The following CDH4 variants were observed in gnomAD, a reference collection of about 807,000 sequenced individuals.
CDH4 encodes cadherin 4.
In CDH4, 33 loss-of-function variants were observed where a neutral mutation model predicts 86.0. That is an observed-to-expected ratio of 0.38 (90% CI 0.29 to 0.51). The LOEUF is 0.51. Among genes scored for constraint, CDH4 ranks in the 20% least tolerant of loss-of-function variants. The pLI is 0.86. For missense variants in CDH4, 1,114 were observed against 1,307.4 expected (o/e 0.85, Z 2.28); for synonymous variants, 555 against 549.4 (o/e 1.01, Z -0.14).
chr20:61,674,990 G>C lies in CDH4; in HGVS notation c.170-68573G>C, dbSNP rs117666365. On this transcript the variant is annotated intron_variant, in intron 2 of 15. Coordinates refer to ENST00000614565, the MANE Select transcript of CDH4 (RefSeq NM_001794.5). Reference sequence around the variant, plus strand: ...TGAGCAATTAGAAAGAGACATTGTGGCCCACCCACCCACAATATGTACTGC... The same window carrying C: ...TGAGCAATTAGAAAGAGACATTGTGCCCCACCCACCCACAATATGTACTGC... Among the ~76,000 whole-genome samples, 594 of 152,318 alleles carry C rather than the reference G, an allele frequency of 3.9e-3. 6 individuals are homozygous for C. Among genetic ancestry groups the C allele is most frequent in the Middle Eastern group, 0.017 (5 of 294 alleles).
At chr20:61,809,848 G>A (rs2146044425) in intron 4 of CDH4, among the ~76,000 whole-genome samples, 1 of 152,338 alleles carries the variant, frequency 6.6e-6, no homozygotes, top group East Asian at 1.9e-4. Flanking sequence ...AGGACGGTGA[G>A]GTCGGAGCAC....
chr20:61,261,458 T>C (rs1223786566), intron 2 of CDH4, among the ~76,000 whole-genome samples: 1 of 152,232 alleles, frequency 6.6e-6, no homozygotes, highest in Non-Finnish European at 1.5e-5. Context: ...TATAATATAA[T>C]AACATTATGT....
chr20:61,399,829 C>T (rs2145477976), intron 2 of CDH4, among the ~76,000 whole-genome samples: 1 of 152,314 alleles, frequency 6.6e-6, no homozygotes. Context: ...CCTGCAGGGG[C>T]TCGGGGACAA....
At chr20:61,887,087 A>C (rs1984577296) in intron 7 of CDH4, among the ~76,000 whole-genome samples, 1 of 152,180 alleles carries the variant, frequency 6.6e-6, no homozygotes, top group Non-Finnish European at 1.5e-5. Flanking sequence ...TCATGAGCAC[A>C]TGCCTGGGTC....
At chr20:61,372,250 A>G (rs2084844982) in intron 2 of CDH4, among the ~76,000 whole-genome samples, 1 of 152,162 alleles carries the variant, frequency 6.6e-6, no homozygotes, top group Non-Finnish European at 1.5e-5. Flanking sequence ...TGGGGAAGTC[A>G]CACAGAGGTG....
intron 2 of CDH4, among the ~76,000 whole-genome samples, chr20:61,326,761 GT>G (rs200585035): frequency 6.6e-6 from 1 of 150,898 alleles, no homozygotes; most frequent in Non-Finnish European, 1.5e-5. Context: ...CAAAAATGAG[GT>G]TTTTTTTTCA....
chr20:61,631,059 A>C (rs2086882918), intron 2 of CDH4, among the ~76,000 whole-genome samples: 1 of 152,242 alleles, frequency 6.6e-6, no homozygotes, highest in African/African-American at 2.4e-5. Context: ...CTAACGTGTG[A>C]GGACAGAGGA....
At chr20:61,548,192 G>A (rs535269664) in intron 2 of CDH4, among the ~76,000 whole-genome samples, 1 of 152,278 alleles carries the variant, frequency 6.6e-6, no homozygotes, top group Admixed American at 6.5e-5. Flanking sequence ...CTGTGCATGG[G>A]TACGTAAGGG....
intron 2 of CDH4, among the ~76,000 whole-genome samples, chr20:61,431,004 G>C (rs961044479): frequency 4.6e-5 from 7 of 152,182 alleles, no homozygotes; most frequent in Non-Finnish European, 4.4e-5. Context: ...TTCCCGAGGG[G>C]CCACATGCTG....
At chr20:61,925,460 G>A (rs1031189635) in intron 11 of CDH4, among the ~76,000 whole-genome samples, 5 of 152,164 alleles carry the variant, frequency 3.3e-5, no homozygotes, top group African/African-American at 9.7e-5. Context: ...CAAACGAGTC[G>A]GAGTCACCGG....
intron 3 of CDH4, among the ~76,000 whole-genome samples, chr20:61,751,091 C>A (rs983014154): frequency 6.6e-6 from 1 of 152,070 alleles, no homozygotes; most frequent in Non-Finnish European, 1.5e-5. Flanking sequence ...TTTGTTTGCT[C>A]GTTTCGGGAA....
At chr20:61,586,147 TTG>T (rs936816157) in intron 2 of CDH4, among the ~76,000 whole-genome samples, 10 of 151,690 alleles carry the variant, frequency 6.6e-5, no homozygotes, top group African/African-American at 2.4e-4. Context: ...ATGACGGTGA[TTG>T]TGGTGATGGG....
At chr20:61,409,232 G>A (rs1281976175) in intron 2 of CDH4, among the ~76,000 whole-genome samples, 1 of 152,164 alleles carries the variant, frequency 6.6e-6, no homozygotes, top group Non-Finnish European at 1.5e-5. Context: ...CCCCCACGTA[G>A]TGCCAGCATC....
At chr20:61,628,907 G>C (rs1254007387) in intron 2 of CDH4, among the ~76,000 whole-genome samples, 1 of 152,252 alleles carries the variant, frequency 6.6e-6, no homozygotes, top group African/African-American at 2.4e-5. Flanking sequence ...GGGTAGGATG[G>C]TGTCTCACTT....
At chr20:61,587,557 G>A (rs1193804279) in intron 2 of CDH4, among the ~76,000 whole-genome samples, 5 of 152,072 alleles carry the variant, frequency 3.3e-5, no homozygotes, top group East Asian at 1.9e-4. Context: ...GGCCGAGCGC[G>A]GGGAGGTTAG....
chr20:61,913,329 C>T (rs1202126917), intron 9 of CDH4, among the ~76,000 whole-genome samples: 6 of 152,244 alleles, frequency 3.9e-5, no homozygotes, highest in Non-Finnish European at 5.9e-5. Context: ...TGGCTTCCTG[C>T]CCAGCCCAGG....
In CDH4 at chr20:61,902,159, G is replaced by T. The variant is rs78601641; in HGVS notation, c.1188+7112G>T. Among the ~76,000 whole-genome samples, 1 of 152,224 alleles carries T rather than the reference G, an allele frequency of 6.6e-6. No individual in the cohort carries two copies. Among genetic ancestry groups the T allele is most frequent in the African/African-American group, 2.4e-5 (1 of 41,458 alleles). ...GTTCAGTCCTTGGAGTTCCAGAATC[G>T]TGAAAGGCGGGTCCTCGGCAGGCGT... On this transcript the variant is annotated intron_variant, in intron 8 of 15. Transcript: ENST00000614565. The surrounding 1 kb of genome is among the most constrained non-coding windows in gnomAD (Gnocchi z 4.6).
intron 2 of CDH4, among the ~76,000 whole-genome samples, chr20:61,307,045 A>T (rs1342258727): frequency 6.6e-6 from 1 of 152,214 alleles, no homozygotes; most frequent in African/African-American, 2.4e-5. Flanking sequence ...AGAGTAAGCA[A>T]AGAAGTTTAT....
rs373143642 is a variant in CDH4, at chr20:61,756,207, GA to G, written c.396+12419del. Among the ~76,000 whole-genome samples, 147 of 152,300 alleles carry G rather than the reference GA, an allele frequency of 9.7e-4. 6 individuals are homozygous for G. In the South Asian group the frequency reaches 0.029, roughly 30 times the overall value. On this transcript the variant is annotated intron_variant, in intron 3 of 15. Coordinates refer to ENST00000614565, the MANE Select transcript of CDH4 (RefSeq NM_001794.5). ...GCCAGAGCTCAGAGCAGGATGTCTG[GA>G]GTCTGCATCCTGGGCCTGCACCTGA...
Sources: allele counts gnomAD v4.1 joint callset (sites outside exome capture counted in the v4.1 genomes callset), GRCh38; gene constraint gnomAD v4.1.1; non-coding constraint Gnocchi (gnomAD v3.1); transcripts MANE v1.5; gene names NCBI Gene and HGNC (gene_info 2026-07-23, HGNC 2026-07-21).